The following GPR158 variants were observed in gnomAD, a reference collection of about 807,000 sequenced individuals.
GPR158 encodes the protein G protein-coupled receptor 158, also known as metabotropic glycine receptor.
Under a neutral mutation model 78.2 loss-of-function variants are expected in GPR158, and 30 were observed. The ratio of observed to expected loss-of-function variants is 0.38; its 90% confidence interval spans 0.29 to 0.52. The LOEUF is 0.52. Among genes scored for constraint, GPR158 ranks in the 20% least tolerant of loss-of-function variants. The probability of loss-of-function intolerance (pLI) is 0.83; values close to 1 mark genes in which losing one functional copy is unlikely to be tolerated. For synonymous variants in GPR158, 581 were observed against 591.1 expected (o/e 0.98, Z 0.25); for missense variants, 1,463 against 1,523.5 (o/e 0.96, Z 0.66).
At chr10:25,301,620 A>AG (rs1353364062) in intron 2 of GPR158, among the ~76,000 whole-genome samples, 8 of 150,436 alleles carry the variant, frequency 5.3e-5, no homozygotes, top group Non-Finnish European at 1.2e-4. Flanking sequence ...GAAAAACTGG[A>AG]GGGGGGGATA....
intron 4 of GPR158, among the ~76,000 whole-genome samples, chr10:25,458,907 T>A (rs995494181): frequency 1.3e-5 from 2 of 152,176 alleles, no homozygotes; most frequent in Non-Finnish European, 2.9e-5. Context: ...AACCTAAAAT[T>A]GATTTTAACT....
chr10:25,483,939 A>G (rs1415527216), intron 5 of GPR158, among the ~76,000 whole-genome samples: 2 of 152,172 alleles, frequency 1.3e-5, no homozygotes, highest in African/African-American at 2.4e-5. Flanking sequence ...AACTAAAGCA[A>G]TTATACACAT....
At chr10:25,542,558 C>T (rs1836601294) in intron 5 of GPR158, among the ~76,000 whole-genome samples, 1 of 152,142 alleles carries the variant, frequency 6.6e-6, no homozygotes, top group Non-Finnish European at 1.5e-5. Flanking sequence ...CGCAGTGGCT[C>T]ATGCCTGTAA....
At chr10:25,327,466 A>G (rs1855052516) in intron 2 of GPR158, among the ~76,000 whole-genome samples, 1 of 152,198 alleles carries the variant, frequency 6.6e-6, no homozygotes, top group African/African-American at 2.4e-5. Context: ...AACACCTCAC[A>G]AGGGAACCGT....
At chr10:25,271,693 T>C (rs12251164) in intron 2 of GPR158, among the ~76,000 whole-genome samples, 9,108 of 152,250 alleles carry the variant, frequency 0.06, 823 homozygotes, top group African/African-American at 0.2. Flanking sequence ...TGGAGTTTCC[T>C]TCTTGTTGGC....
intron 4 of GPR158, 191 bp from the exon 5 acceptor site, chr10:25,466,459 CA>C: frequency 4.2e-6 from 2 of 478,510 alleles, no homozygotes; most frequent in Non-Finnish European, 7.4e-6. Flanking sequence ...TTAAGCCTAT[CA>C]ACACCTTTAT....
intron 2 of GPR158, among the ~76,000 whole-genome samples, chr10:25,241,319 CT>C (rs1853618707): frequency 8.5e-6 from 1 of 117,500 alleles, no homozygotes; most frequent in African/African-American, 3.7e-5. Context: ...CTTTTCTCTT[CT>C]CTTCTCTTCT....
intron 5 of GPR158, among the ~76,000 whole-genome samples, chr10:25,524,880 A>G (rs571404183): frequency 3.6e-4 from 55 of 152,228 alleles, no homozygotes; most frequent in Non-Finnish European, 7.2e-4. Context: ...TGTATGTCAT[A>G]TGTCTGATAA....
At chr10:25,261,180 C>G (rs778740724) in intron 2 of GPR158, among the ~76,000 whole-genome samples, 31 of 152,034 alleles carry the variant, frequency 2.0e-4, no homozygotes, top group Non-Finnish European at 4.3e-4. Flanking sequence ...TTTAAAGCTC[C>G]CCACAGGATT....
chr10:25,597,620 A>G (rs2130755618), intron 10 of GPR158, 152 bp from the exon 11 acceptor site: 1 of 484,212 alleles, frequency 2.1e-6, no homozygotes, highest in Non-Finnish European at 3.5e-6. Context: ...ACAAATGGTG[A>G]GAAAATCGAC....
chr10:25,394,680 A>C (rs1231132778), intron 2 of GPR158, among the ~76,000 whole-genome samples: 2 of 152,198 alleles, frequency 1.3e-5, no homozygotes, highest in South Asian at 2.1e-4. Context: ...AGAGGGTATT[A>C]ATGAAATTAA....
At chr10:25,397,288 T>A (rs538000647) in intron 3 of GPR158, among the ~76,000 whole-genome samples, 1 of 152,300 alleles carries the variant, frequency 6.6e-6, no homozygotes, top group Admixed American at 6.5e-5. Flanking sequence ...TATTATTCTC[T>A]CTCCGGAGAA....
chr10:25,379,509 C>G (rs1760768), intron 2 of GPR158, among the ~76,000 whole-genome samples: 123,818 of 152,086 alleles, frequency 0.81, 51,423 homozygotes, highest in Non-Finnish European at 0.87. Flanking sequence ...TTTATCCATA[C>G]AGGGTCCTAA....
chr10:25,423,758 C>T lies in GPR158; in HGVS notation c.1335+11285C>T, dbSNP rs929481704. Among the ~76,000 whole-genome samples the T allele has an allele frequency of 3.3e-5, 5 of 152,098 alleles. No homozygotes were observed. In the East Asian group the frequency reaches 5.8e-4, roughly 18 times the overall value. On this transcript the variant is annotated intron_variant, in intron 4 of 10. Coordinates refer to ENST00000376351, the MANE Select transcript of GPR158 (RefSeq NM_020752.3). ...CATAGTATTCCATGGTGTATATGTG[C>T]CACATTTTCTTAATCCAGTCTATCA...
chr10:25,570,807 C>T (rs1183409658), intron 6 of GPR158, among the ~76,000 whole-genome samples: 1 of 152,088 alleles, frequency 6.6e-6, no homozygotes, highest in Non-Finnish European at 1.5e-5. Flanking sequence ...GTCCCACCTA[C>T]TTGGGAGGCT....
At chr10:25,587,023 T>C (rs1837278998) in intron 7 of GPR158, among the ~76,000 whole-genome samples, 2 of 152,128 alleles carry the variant, frequency 1.3e-5, no homozygotes, top group South Asian at 4.1e-4. Context: ...CGACTAAAAT[T>C]AGAGGTTTAT....
At chr10:25,471,127 G>A (rs554019683) in intron 5 of GPR158, among the ~76,000 whole-genome samples, 2 of 131,740 alleles carry the variant, frequency 1.5e-5, no homozygotes, top group South Asian at 5.0e-4. Context: ...CCCCATGACA[G>A]GCCCCGGTGT....
intron 2 of GPR158, among the ~76,000 whole-genome samples, chr10:25,327,735 G>A (rs560723754): frequency 5.3e-5 from 8 of 152,288 alleles, no homozygotes; most frequent in African/African-American, 1.7e-4. Context: ...TTGGGCATAA[G>A]TGGAAACTGA....
At chr10:25,311,598 A>G (rs1334133789) in intron 2 of GPR158, among the ~76,000 whole-genome samples, 4 of 151,952 alleles carry the variant, frequency 2.6e-5, no homozygotes, top group Non-Finnish European at 5.9e-5. Context: ...TTGCGAATTG[A>G]GATAGTTTTA....
Sources: gnomAD v4.1 joint callset for allele counts (sites outside exome capture counted in the v4.1 genomes callset) on GRCh38, gnomAD v4.1.1 for gene constraint, MANE v1.5 for transcripts, NCBI Gene and HGNC (gene_info 2026-07-23, HGNC 2026-07-21) for gene names.